RAP1GAP: variants seen among roughly 807,000 people sequenced by gnomAD.
RAP1GAP encodes rap1 GTPase-activating protein 1.
RAP1GAP carries 35 observed loss-of-function variants against 87.2 expected under a neutral mutation model. That is an observed-to-expected ratio of 0.40 (90% CI 0.31 to 0.53). RAP1GAP has a LOEUF of 0.53. Ranked by LOEUF, RAP1GAP falls within the 20% of genes least tolerant of loss-of-function variation. The probability of loss-of-function intolerance (pLI) is 0.48; values close to 1 mark genes in which losing one functional copy is unlikely to be tolerated. For synonymous variants in RAP1GAP, 375 were observed against 363.9 expected (o/e 1.03, Z -0.35); for missense variants, 734 against 898.9 (o/e 0.82, Z 2.35).
chr1:21,608,334 G>A lies in RAP1GAP; in HGVS notation c.1175C>T (p.Ala392Val). 1.9e-6 allele frequency: 3 copies of A among 1,613,184 alleles called. No homozygotes were observed. Among genetic ancestry groups the A allele is most frequent in the Non-Finnish European group, 2.5e-6 (3 of 1,179,720 alleles). The change falls in exon 17 of 25, where the codon GCC (alanine) becomes GTC (valine). Residue 392 changes from alanine (A) to valine (V), a missense_variant. This residue lies in a region of RAP1GAP where 485 missense variants were observed against 646.2 expected (regional missense o/e 0.75). Coordinates refer to ENST00000374765, the MANE Select transcript of RAP1GAP (RefSeq NM_002885.4). ...FAKLEERTRA[A>V]LLETLYEELH... Reference sequence around the variant, plus strand: ...TTCCTCATAGAGCGTCTCCAGGAGGGCGGCCCGCGTCCGCTCCTGTGGGCC... The same window carrying A: ...TTCCTCATAGAGCGTCTCCAGGAGGACGGCCCGCGTCCGCTCCTGTGGGCC...
At chr1:21,611,423 C>G in intron 13 of RAP1GAP, 29 bp downstream of exon 13, 2 of 1,599,192 alleles carry the variant, frequency 1.3e-6, no homozygotes, top group Non-Finnish European at 1.7e-6. Context: ...AGGTGGAAGA[C>G]AGGAGGCAGG....
chr1:21,649,150 G>T (rs577925340), intron 2 of RAP1GAP, among the ~76,000 whole-genome samples: 1 of 152,210 alleles, frequency 6.6e-6, no homozygotes, highest in Non-Finnish European at 1.5e-5. Context: ...AGGTGAGGCT[G>T]CACCTCCACC....
chr1:21,614,199 A>G, intron 7 of RAP1GAP, 110 bp from the exon 8 acceptor site: 1 of 694,040 alleles, frequency 1.4e-6, no homozygotes, highest in South Asian at 1.8e-5. Context: ...CGCCGATAGC[A>G]GGTGTCACGG....
In RAP1GAP at chr1:21,611,416, T is replaced by G. The variant is rs199536478; in HGVS notation, c.843+36A>C. 258 of 1,591,410 alleles carry G rather than the reference T, an allele frequency of 1.6e-4. No homozygotes were observed. The African/African-American group carries it at 3.0e-3, about 18-fold the overall frequency. ...CAGACAGGTGGAGGGGGAGGACAGG[T>G]GGAAGACAGGAGGCAGGTGGGGGTG... On this transcript the variant is annotated intron_variant, in intron 13 of 24. Coordinates refer to ENST00000374765, the MANE Select transcript of RAP1GAP (RefSeq NM_002885.4).
chr1:21,626,811 G>A (rs1531829), intron 2 of RAP1GAP: 157,754 of 441,986 alleles, frequency 0.36, 29,104 homozygotes, highest in East Asian at 0.52. Flanking sequence ...CAGGGCTACC[G>A]CTATTACGAA....
rs2080151039 is a variant in RAP1GAP, at chr1:21,613,904, A to G, written c.395+82T>C. On this transcript the variant is annotated intron_variant, in intron 8 of 24. Transcript: ENST00000374765. This position sits in a 1 kb window ranked among gnomAD's most constrained non-coding sequence, Gnocchi z 4.7. ...TGCCCCTCTATGGGCCTTGATGAAG[A>G]GAGTGGGTCAAATGAGATGGGCTCT... 2 of 1,295,350 alleles carry G rather than the reference A, an allele frequency of 1.5e-6. No individual in the cohort carries two copies. The highest frequency in any genetic ancestry group is 4.9e-5 in the East Asian group (2 of 40,532). The allele number at this position is 1,295,350 out of a possible 1,614,324, so 80.2% of individuals were successfully genotyped here.
intron 17 of RAP1GAP, 55 bp downstream of exon 17, chr1:21,608,158 A>T: frequency 6.3e-7 from 1 of 1,592,320 alleles, no homozygotes; most frequent in East Asian, 2.3e-5. Flanking sequence ...TCAGCCCGGG[A>T]TTCCGCCCTA....
rs990650626 is a variant in RAP1GAP at position 21,603,858 on chromosome 1, T to G, written c.1429-945A>C. The G allele has an allele frequency of 3.1e-6, 5 of 1,603,068 alleles. No individual in the cohort carries two copies. The African/African-American group carries it at 6.7e-5, about 21-fold the overall frequency. ...ACCTCTTCCACGGTTCCTATGCCTA[T>G]GGCACTGCCCCGGCGTCCGAATCTA... On this transcript the variant is annotated intron_variant, in intron 18 of 24. Transcript: ENST00000374765. The surrounding 1 kb of genome is among the most constrained non-coding windows in gnomAD (Gnocchi z 6.0).
intron 22 of RAP1GAP, 53 bp downstream of exon 22, chr1:21,598,347 C>G (rs987896804): frequency 2.1e-5 from 32 of 1,501,488 alleles, no homozygotes; most frequent in Admixed American, 1.9e-4. Flanking sequence ...GCCCTGTCCC[C>G]CTCCTACCCC....
intron 1 of RAP1GAP, 49 bp from the exon 2 acceptor site, chr1:21,649,845 C>T: frequency 6.5e-7 from 1 of 1,530,376 alleles, no homozygotes; most frequent in South Asian, 1.2e-5. Context: ...CCCTTCTCAC[C>T]AGCTTGGCCC....
At chr1:21,599,870 A>T (rs1484699978) in intron 20 of RAP1GAP, among the ~76,000 whole-genome samples, 1 of 152,120 alleles carries the variant, frequency 6.6e-6, no homozygotes, top group East Asian at 1.9e-4. Flanking sequence ...CTGGCCTCCC[A>T]TTTCCCCAGG....
intron 21 of RAP1GAP, 58 bp downstream of exon 21, chr1:21,599,436 G>A: frequency 6.4e-7 from 1 of 1,563,030 alleles, no homozygotes; most frequent in Non-Finnish European, 8.6e-7. Flanking sequence ...CATCTCCAGG[G>A]ACCAAAGAGC....
At chr1:21,605,076 G>T (rs1219130566) in intron 18 of RAP1GAP, among the ~76,000 whole-genome samples, 1 of 152,034 alleles carries the variant, frequency 6.6e-6, no homozygotes, top group African/African-American at 2.4e-5. Flanking sequence ...TGGGTGGCTG[G>T]ATGGATGGGT....
At chr1:21,621,722 G>T (rs1000581625) in intron 3 of RAP1GAP, among the ~76,000 whole-genome samples, 4 of 152,210 alleles carry the variant, frequency 2.6e-5, no homozygotes, top group Admixed American at 6.5e-5. Flanking sequence ...CACAACCTCA[G>T]CTGGGCATGA....
At chr1:21,657,960 C>T (rs2096929985) in intron 1 of RAP1GAP, among the ~76,000 whole-genome samples, 1 of 152,196 alleles carries the variant, frequency 6.6e-6, no homozygotes, top group African/African-American at 2.4e-5. Flanking sequence ...ACAAGGGTGG[C>T]TCTGCCCCCC....
intron 2 of RAP1GAP, among the ~76,000 whole-genome samples, chr1:21,632,237 G>T (rs2093900335): frequency 6.6e-6 from 1 of 152,204 alleles, no homozygotes; most frequent in Admixed American, 6.5e-5. Context: ...TCCTAAGTGG[G>T]ATGGGCCCGG....
Position 21,622,376 on chromosome 1 carries a change from G to A in RAP1GAP, c.-18-2326C>T. 2.2e-6 allele frequency: 1 copy of A among 445,194 alleles called. No individual in the cohort carries two copies. The allele number at this position is 445,194 out of a possible 1,614,324, so 27.6% of individuals were successfully genotyped here. A position where few individuals can be genotyped will look rare whatever the true frequency, so the allele number is the denominator to read the frequency against. Reference sequence around the variant, plus strand: ...CCCCGCGGGCAGCGAGCCCCTCCGCGGACGGCCGGGTGGCACCGCGGGCCG... The same window carrying A: ...CCCCGCGGGCAGCGAGCCCCTCCGCAGACGGCCGGGTGGCACCGCGGGCCG... On this transcript the variant is annotated intron_variant, in intron 3 of 24. Coordinates refer to ENST00000374765, the MANE Select transcript of RAP1GAP (RefSeq NM_002885.4). This position sits in a 1 kb window ranked among gnomAD's most constrained non-coding sequence, Gnocchi z 5.7.
chr1:21,669,138 C>T lies in RAP1GAP; in HGVS notation c.-149+116G>A, dbSNP rs1396837541. On this transcript the variant is annotated intron_variant, in intron 1 of 24. Transcript: ENST00000374765. This position sits in a 1 kb window ranked among gnomAD's most constrained non-coding sequence, Gnocchi z 5.6. ...AGACCCGGGTCCCCCACGCGTTCGC[C>T]CCCACCCTCCGTCCCCGCCCGCCCG... 5.3e-6 allele frequency: 6 copies of T among 1,128,970 alleles called. No individual in the cohort carries two copies. The African/African-American group carries it at 8.6e-5, about 16-fold the overall frequency. 69.9% of individuals were successfully genotyped at this position (1,128,970 alleles called of 1,614,324 possible).
chr1:21,602,400 T>C (rs2069428391), intron 19 of RAP1GAP, among the ~76,000 whole-genome samples: 1 of 152,210 alleles, frequency 6.6e-6, no homozygotes, highest in Non-Finnish European at 1.5e-5. Context: ...CTGGGCTCAC[T>C]GCCCTCATGC....
Sources: allele counts gnomAD v4.1 joint callset (sites outside exome capture counted in the v4.1 genomes callset), GRCh38; gene constraint gnomAD v4.1.1; regional missense constraint gnomAD v4.1.1; non-coding constraint Gnocchi (gnomAD v3.1); transcripts MANE v1.5; gene names NCBI Gene and HGNC (gene_info 2026-07-23, HGNC 2026-07-21).